The following NCALD variants were observed in gnomAD, a reference collection of about 807,000 sequenced individuals.
NCALD encodes neurocalcin delta.
Under a neutral mutation model 18.6 loss-of-function variants are expected in NCALD, and 10 were observed. That is an observed-to-expected ratio of 0.54 (90% CI 0.33 to 0.91). NCALD has a LOEUF of 0.91. Among genes scored for constraint, NCALD ranks in the 40% least tolerant of loss-of-function variants. The pLI is 0.03. For missense variants in NCALD, 184 were observed against 247.6 expected, an observed-to-expected ratio of 0.74 and a Z score of 1.72; for synonymous variants, 88 against 87.4, an observed-to-expected ratio of 1.01 and a Z score of -0.04.
At chr8:101,775,303 T>C (rs917793584) in intron 1 of NCALD, among the ~76,000 whole-genome samples, 1 of 152,148 alleles carries the variant, frequency 6.6e-6, no homozygotes, top group Non-Finnish European at 1.5e-5. Context: ...TTGCCTCTCA[T>C]GTTATGTGCC....
intron 1 of NCALD, among the ~76,000 whole-genome samples, chr8:101,722,421 T>C (rs1301828536): frequency 1.3e-5 from 2 of 152,182 alleles, no homozygotes; most frequent in Admixed American, 6.5e-5. Context: ...CTCTGAGACA[T>C]TTTATGGAAT....
At chr8:101,931,401 A>G (rs947926885) in intron 2 of NCALD, among the ~76,000 whole-genome samples, 1 of 152,190 alleles carries the variant, frequency 6.6e-6, no homozygotes, top group East Asian at 1.9e-4. Flanking sequence ...AACATCAGAT[A>G]TACTGTGTAT....
At chr8:102,090,150 G>C (rs1824878091) in intron 1 of NCALD, among the ~76,000 whole-genome samples, 1 of 152,082 alleles carries the variant, frequency 6.6e-6, no homozygotes, top group Non-Finnish European at 1.5e-5. Flanking sequence ...GGCTTTCTTT[G>C]GGTTGTATTT....
intron 2 of NCALD, among the ~76,000 whole-genome samples, chr8:101,948,045 A>G (rs1371663167): frequency 1.3e-5 from 2 of 152,268 alleles, no homozygotes; most frequent in Non-Finnish European, 2.9e-5. Flanking sequence ...GAAGCTGGCC[A>G]TTATCTAAGG....
chr8:101,818,384 T>C (rs1463487668), intron 4 of NCALD, among the ~76,000 whole-genome samples: 1 of 152,166 alleles, frequency 6.6e-6, no homozygotes, highest in African/African-American at 2.4e-5. Flanking sequence ...GTACCATGAT[T>C]ACAGACAGGA....
intron 4 of NCALD, among the ~76,000 whole-genome samples, chr8:101,864,319 A>T (rs1381828389): frequency 1.3e-5 from 2 of 152,208 alleles, no homozygotes; most frequent in Non-Finnish European, 2.9e-5. Flanking sequence ...ACAACAAAGC[A>T]GGACCATGAC....
intron 1 of NCALD, among the ~76,000 whole-genome samples, chr8:101,736,334 T>C (rs1809913757): frequency 6.6e-6 from 1 of 152,154 alleles, no homozygotes; most frequent in African/African-American, 2.4e-5. Flanking sequence ...TAAAGAGTGG[T>C]CACAACACCT....
chr8:102,015,259 G>A (rs1177826112), intron 2 of NCALD, among the ~76,000 whole-genome samples: 1 of 151,808 alleles, frequency 6.6e-6, no homozygotes, highest in Non-Finnish European at 1.5e-5. Context: ...TTATGGCAGG[G>A]AGAAGCCAAT....
chr8:101,965,281 T>A (rs1402689822), intron 2 of NCALD, among the ~76,000 whole-genome samples: 12 of 152,198 alleles, frequency 7.9e-5, no homozygotes, highest in Admixed American at 7.9e-4. Flanking sequence ...TCCAAAGGAT[T>A]ATAAATCATA....
chr8:102,013,478 G>C (rs1277901563), intron 2 of NCALD, among the ~76,000 whole-genome samples: 7 of 152,100 alleles, frequency 4.6e-5, no homozygotes, highest in African/African-American at 1.7e-4. Flanking sequence ...CCAACTTAAA[G>C]ACACATTTCT....
intron 1 of NCALD, among the ~76,000 whole-genome samples, chr8:101,785,021 G>A (rs1812167591): frequency 6.6e-6 from 1 of 152,112 alleles, no homozygotes; most frequent in South Asian, 2.1e-4. Context: ...TATATTCCAA[G>A]TTGAAAGGCA....
At position 101,838,115 on chromosome 8, in the gene NCALD, G is replaced by A. The variant is rs563972927; in HGVS notation, c.-20+49026C>T. On this transcript the variant is annotated intron_variant, in intron 4 of 6. Coordinates refer to the NCALD transcript ENST00000311028. ...TGTATTAATATAACATTTTTGTTGT[G>A]ACAACAACCTGATTCTCTAAAGGAG... 1.1e-4 allele frequency among the ~76,000 whole-genome samples: 16 copies of A among 152,248 alleles called. 1 individual carries two copies. The highest frequency in any genetic ancestry group is 9.8e-4 in the Admixed American group (15 of 15,286).
chr8:101,959,072 A>C (rs1450024172), intron 2 of NCALD, among the ~76,000 whole-genome samples: 1 of 152,154 alleles, frequency 6.6e-6, no homozygotes, highest in Admixed American at 6.6e-5. Flanking sequence ...TTCATCCACT[A>C]GTCCTAACAA....
intron 4 of NCALD, among the ~76,000 whole-genome samples, chr8:101,802,333 T>G (rs1254606518): frequency 6.6e-6 from 1 of 152,080 alleles, no homozygotes; most frequent in Admixed American, 6.5e-5. Flanking sequence ...AGCTTCCCTA[T>G]TCCCCGAGAT....
intron 4 of NCALD, among the ~76,000 whole-genome samples, chr8:101,851,345 G>GA (rs1388239014): frequency 6.6e-6 from 1 of 151,906 alleles, no homozygotes; most frequent in Non-Finnish European, 1.5e-5. Flanking sequence ...TAGATGTAAA[G>GA]AGAGAGGGAA....
intron 2 of NCALD, among the ~76,000 whole-genome samples, chr8:101,926,456 A>G (rs1035733657): frequency 6.6e-5 from 10 of 152,230 alleles, no homozygotes; most frequent in Non-Finnish European, 1.5e-5. Flanking sequence ...TTTATTTGAC[A>G]CTAACCATGT....
intron 2 of NCALD, among the ~76,000 whole-genome samples, chr8:101,955,139 TGAA>T (rs1348318462): frequency 3.3e-5 from 5 of 152,148 alleles, no homozygotes; most frequent in Middle Eastern, 3.4e-3. Context: ...AAGGCGAGAG[TGAA>T]GAAGAAGCTT....
At chr8:101,725,693 T>G (rs1586314981) in intron 1 of NCALD, among the ~76,000 whole-genome samples, 1 of 152,206 alleles carries the variant, frequency 6.6e-6, no homozygotes, top group African/African-American at 2.4e-5. Flanking sequence ...CCTTCTTGCC[T>G]GCATGCTCCC....
chr8:102,075,622 T>G (rs1358681392), intron 1 of NCALD, among the ~76,000 whole-genome samples: 1 of 152,182 alleles, frequency 6.6e-6, no homozygotes, highest in Middle Eastern at 3.2e-3. Flanking sequence ...AATAATAAAC[T>G]TAAGAGACAT....
Sources: allele counts gnomAD v4.1 joint callset (sites outside exome capture counted in the v4.1 genomes callset), GRCh38; gene constraint gnomAD v4.1.1; transcripts MANE v1.5; gene names NCBI Gene and HGNC (gene_info 2026-07-23, HGNC 2026-07-21).